Variants in HPGD observed in about 807,000 individuals in gnomAD.
HPGD encodes the protein 15-hydroxyprostaglandin dehydrogenase, also known as 15-hydroxyprostaglandin dehydrogenase [NAD(+)].
In HPGD, 29 loss-of-function variants were observed where a neutral mutation model predicts 30.0. That is an observed-to-expected ratio of 0.97 (90% confidence interval 0.72 to 1.32). The LOEUF (loss-of-function observed/expected upper bound fraction) is 1.32. Ranked by LOEUF, HPGD falls within the 40% of genes most tolerant of loss-of-function variation. The probability of loss-of-function intolerance (pLI) is 0.00; values close to 1 mark genes in which losing one functional copy is unlikely to be tolerated. For missense variants in HPGD, 340 were observed against 322.1 expected (o/e 1.06, Z -0.43); for synonymous variants, 99 against 112.4 (o/e 0.88, Z 0.75).
chr4:174,507,761 T>C (rs1178219456), intron 4 of HPGD: 1 of 203,204 alleles, frequency 4.9e-6, no homozygotes, highest in Non-Finnish European at 9.8e-6. Flanking sequence ...TTGACTCAGT[T>C]GCTCCAAAAA....
intron 4 of HPGD, among the ~76,000 whole-genome samples, chr4:174,497,369 G>C (rs1334998678): frequency 6.6e-6 from 1 of 152,030 alleles, no homozygotes; most frequent in African/African-American, 2.4e-5. Flanking sequence ...TGTGGGTTCT[G>C]GTAATAAGCA....
At chr4:174,521,122 T>C (rs45545345) in intron 2 of HPGD, among the ~76,000 whole-genome samples, 1 of 151,970 alleles carries the variant, frequency 6.6e-6, no homozygotes, top group African/African-American at 2.4e-5. Flanking sequence ...TCTCTTTGAA[T>C]AAAACTTTGT....
At chr4:174,521,157 A>C (rs896943062) in intron 2 of HPGD, among the ~76,000 whole-genome samples, 2 of 150,860 alleles carry the variant, frequency 1.3e-5, no homozygotes, top group Admixed American at 1.3e-4. Flanking sequence ...TTACTTTTCT[A>C]GTTTTTCTCC....
chr4:174,522,440 G>C lies in HPGD; in HGVS notation c.12C>G (p.Asn4Lys). 6.3e-7 allele frequency: 1 copy of C among 1,580,342 alleles called. No individual in the cohort carries two copies. Among genetic ancestry groups the C allele is most frequent in the South Asian group, 1.1e-5 (1 of 87,016 alleles). MHV[N>K]GKVALVTGAA... Reference sequence around the variant, plus strand: ...CGCCGGTCACCAGCGCCACTTTGCCGTTCACGTGCATGGTGCAGCCACTGC... The same window carrying C: ...CGCCGGTCACCAGCGCCACTTTGCCCTTCACGTGCATGGTGCAGCCACTGC... The change falls in exon 1 of 7, where the codon AAC becomes AAG. Residue 4 changes from asparagine (N) to lysine (K), a missense_variant. Physicochemically the swap from Asn to Lys is moderately conservative, Grantham distance 94. Coordinates refer to ENST00000296522, the MANE Select transcript of HPGD (RefSeq NM_000860.6).
Position 174,491,841 on chromosome 4 carries a change from A to C in HPGD, c.*115T>G. 3 of 985,292 alleles carry C rather than the reference A, an allele frequency of 3.0e-6. No homozygotes were observed. Among genetic ancestry groups the C allele is most frequent in the Non-Finnish European group, 4.8e-6 (3 of 623,894 alleles). 61.0% of individuals were successfully genotyped at this position (985,292 alleles called of 1,614,324 possible). A position where few individuals can be genotyped will look rare whatever the true frequency, so the allele number is the denominator to read the frequency against. On this transcript the variant is annotated 3_prime_UTR_variant, in exon 7 of 7. Transcript: ENST00000296522. ...TTAGAAAACGTTTATCACCAAGTGC[A>C]TGAAGGAAAACTTCAAACTGTAACA...
At chr4:174,521,792 C>A in intron 2 of HPGD, 152 bp downstream of exon 2, 1 of 850,962 alleles carries the variant, frequency 1.2e-6, no homozygotes, top group East Asian at 2.4e-5. Context: ...CAGAAGGAAA[C>A]GTATCAGTCC....
intron 2 of HPGD, 86 bp downstream of exon 2, chr4:174,521,858 A>C: frequency 2.0e-6 from 3 of 1,534,948 alleles, no homozygotes; most frequent in East Asian, 2.2e-5. Context: ...CGGAGGCGGC[A>C]CCCAGGGCCC....
At chr4:174,504,702 A>G (rs903727625) in intron 4 of HPGD, among the ~76,000 whole-genome samples, 1 of 151,300 alleles carries the variant, frequency 6.6e-6, no homozygotes, top group Non-Finnish European at 1.5e-5. Context: ...AATCCCAGCT[A>G]CTGGGGAGGC....
In HPGD at chr4:174,496,268, A is replaced by AAGG. The variant is rs1734589507; in HGVS notation, c.422-645_422-644insCCT. The stretch of plus-strand genomic sequence containing the variant: ...TGGTCCTATTTTATTTCCTTTCATA[A>AAGG]TTATGTAGTCAACTATGAAATTCAA... On this transcript the variant is annotated intron_variant, in intron 4 of 6. Transcript: ENST00000296522. The surrounding 1 kb of genome is among the most constrained non-coding windows in gnomAD (Gnocchi z 4.6). Among the ~76,000 whole-genome samples, 1 of 152,196 alleles carries AAGG rather than the reference A, an allele frequency of 6.6e-6. No homozygotes were observed. Among genetic ancestry groups the AAGG allele is most frequent in the Non-Finnish European group, 1.5e-5 (1 of 68,038 alleles).
intron 4 of HPGD, among the ~76,000 whole-genome samples, chr4:174,501,755 T>C (rs745447779): frequency 6.6e-6 from 1 of 152,170 alleles, no homozygotes; most frequent in Non-Finnish European, 1.5e-5. Context: ...GAAAATTACA[T>C]GTGTACTAAT....
At chr4:174,495,454 C>T in intron 5 of HPGD, 94 bp downstream of exon 5, 1 of 954,332 alleles carries the variant, frequency 1.0e-6, no homozygotes, top group Non-Finnish European at 1.7e-6. Flanking sequence ...ACCTTTCATC[C>T]AAGTGATTTC....
intron 4 of HPGD, among the ~76,000 whole-genome samples, chr4:174,498,866 T>C (rs984279213): frequency 2.6e-5 from 4 of 152,218 alleles, no homozygotes; most frequent in Non-Finnish European, 5.9e-5. Flanking sequence ...GTTTGTTGCT[T>C]TGAAAATGAA....
chr4:174,494,245 G>A lies in HPGD; in HGVS notation c.499-931C>T, dbSNP rs1734475720. 6.6e-6 allele frequency among the ~76,000 whole-genome samples: 1 copy of A among 152,116 alleles called. No individual in the cohort carries two copies. Among genetic ancestry groups the A allele is most frequent in the Non-Finnish European group, 1.5e-5 (1 of 68,020 alleles). The stretch of plus-strand genomic sequence containing the variant: ...GTTCATACAACCTATGATAAATAAG[G>A]TTCTTTAAACAGGAATACACATAAA... On this transcript the variant is annotated intron_variant, in intron 5 of 6. Coordinates refer to ENST00000296522, the MANE Select transcript of HPGD (RefSeq NM_000860.6). This position sits in a 1 kb window ranked among gnomAD's most constrained non-coding sequence, Gnocchi z 4.9.
chr4:174,514,816 C>T lies in HPGD; in HGVS notation c.324+3155G>A, dbSNP rs149941987. Among the ~76,000 whole-genome samples the T allele has an allele frequency of 2.5e-3, 385 of 152,142 alleles. 1 individual carries two copies. Among genetic ancestry groups the T allele is most frequent in the Non-Finnish European group, 4.2e-3 (283 of 67,924 alleles). On this transcript the variant is annotated intron_variant, in intron 3 of 6. Transcript: ENST00000296522. ...TAGAACTGATAAACAATTTAAGTTACGTTTCAGGATACATAACCAATGTAC... is the reference window on the plus strand; with the variant it reads ...TAGAACTGATAAACAATTTAAGTTATGTTTCAGGATACATAACCAATGTAC...
chr4:174,509,176 C>A (rs1250209921), intron 3 of HPGD, among the ~76,000 whole-genome samples: 1 of 152,168 alleles, frequency 6.6e-6, no homozygotes, highest in African/African-American at 2.4e-5. Flanking sequence ...ATATGGTTCT[C>A]ATGTCTCAGT....
intron 5 of HPGD, among the ~76,000 whole-genome samples, chr4:174,493,761 A>G (rs377357611): frequency 7.2e-5 from 11 of 152,218 alleles, no homozygotes; most frequent in Non-Finnish European, 1.5e-5. Context: ...TCTGGAAGAC[A>G]ATTTAAGTAT....
chr4:174,513,768 T>C (rs1272578646), intron 3 of HPGD, among the ~76,000 whole-genome samples: 3 of 151,920 alleles, frequency 2.0e-5, no homozygotes, highest in Admixed American at 1.3e-4. Flanking sequence ...AAGAAAATGA[T>C]AGGGTACTAA....
At position 174,495,635 on chromosome 4, in the gene HPGD, C is replaced by T. The variant is rs754965544; in HGVS notation, c.422-11G>A. On this transcript the variant is annotated splice_polypyrimidine_tract_variant and intron_variant, in intron 4 of 6. Transcript: ENST00000296522. ...CAACGGGCATGAGTCCTGAAACAGA[C>T]AAATATAACATTTAAATGCTTTGAT... 1.3e-6 allele frequency: 2 copies of T among 1,593,204 alleles called. No individual in the cohort carries two copies. Among genetic ancestry groups the T allele is most frequent in the Admixed American group, 3.3e-5 (2 of 59,914 alleles).
chr4:174,515,334 C>G (rs1735716090), intron 3 of HPGD, among the ~76,000 whole-genome samples: 1 of 151,964 alleles, frequency 6.6e-6, no homozygotes, highest in South Asian at 2.1e-4. Flanking sequence ...AATGGAACAG[C>G]ATGGAGAAGC....
Sources: gnomAD v4.1 joint callset for allele counts (sites outside exome capture counted in the v4.1 genomes callset) on GRCh38, gnomAD v4.1.1 for gene constraint, Gnocchi (gnomAD v3.1) non-coding constraint, MANE v1.5 for transcripts, NCBI Gene and HGNC (gene_info 2026-07-23, HGNC 2026-07-21) for gene names.